The following CNOT6L variants were observed in gnomAD, a reference collection of about 807,000 sequenced individuals.
The protein encoded by CNOT6L is CCR4-NOT transcription complex subunit 6 like.
CNOT6L carries 7 observed loss-of-function variants against 64.0 expected under a neutral mutation model. That is an observed-to-expected ratio of 0.11 (90% confidence interval 0.06 to 0.21). The LOEUF (loss-of-function observed/expected upper bound fraction) is 0.21, where lower values mean the gene tolerates loss of function less well. Among genes scored for constraint, CNOT6L ranks in the 10% least tolerant of loss-of-function variants. CNOT6L has a pLI of 1.00. For synonymous variants in CNOT6L, 193 were observed against 243.4 expected, an observed-to-expected ratio of 0.79 and a Z score of 1.93; for missense variants, 245 against 669.0, an observed-to-expected ratio of 0.37 and a Z score of 6.99.
chr4:77,807,666 T>C (rs1732410170), intron 1 of CNOT6L, among the ~76,000 whole-genome samples: 1 of 152,182 alleles, frequency 6.6e-6, no homozygotes, highest in Non-Finnish European at 1.5e-5. Context: ...CTAGGGAATA[T>C]GTGAGAGAGA....
chr4:77,747,708 G>A (rs888878944), intron 6 of CNOT6L, among the ~76,000 whole-genome samples: 2 of 152,132 alleles, frequency 1.3e-5, no homozygotes, highest in Admixed American at 6.5e-5. Context: ...CCTGCAAACA[G>A]ATAAAGGCTT....
At chr4:77,775,621 T>C (rs575615983) in intron 2 of CNOT6L, among the ~76,000 whole-genome samples, 2 of 152,326 alleles carry the variant, frequency 1.3e-5, no homozygotes, top group East Asian at 3.9e-4. Context: ...CCAGTTTTTA[T>C]ACCTTTTTGT....
At chr4:77,734,303 A>G (rs938647257) in intron 8 of CNOT6L, among the ~76,000 whole-genome samples, 1 of 152,120 alleles carries the variant, frequency 6.6e-6, no homozygotes, top group African/African-American at 2.4e-5. Flanking sequence ...TTATAACCCA[A>G]TACCTCCATT....
chr4:77,774,197 T>C (rs1480273112), intron 3 of CNOT6L, among the ~76,000 whole-genome samples: 4 of 152,200 alleles, frequency 2.6e-5, no homozygotes, highest in African/African-American at 9.6e-5. Context: ...AATAGAGATA[T>C]GTTCTTGTAA....
In CNOT6L at chr4:77,773,361, T is replaced by C. The variant is rs534676666; in HGVS notation, c.315-195A>G. ...GTGCAATTGCCACAACTATTAACAA[T>C]GGTTCTATTTCTAGGATTTACTCAT... On this transcript the variant is annotated intron_variant, in intron 3 of 11. Transcript: ENST00000504123. Among the ~76,000 whole-genome samples, 5 of 152,310 alleles carry C rather than the reference T, an allele frequency of 3.3e-5. No homozygotes were observed. In the East Asian group the frequency reaches 9.6e-4, roughly 29 times the overall value.
At chr4:77,766,183 T>TA (rs1388908501) in intron 4 of CNOT6L, among the ~76,000 whole-genome samples, 1 of 152,140 alleles carries the variant, frequency 6.6e-6, no homozygotes, top group East Asian at 1.9e-4. Context: ...CAAATTTGTT[T>TA]AAAATTGGAA....
chr4:77,735,143 C>A (rs1265765565), intron 8 of CNOT6L, among the ~76,000 whole-genome samples: 1 of 152,118 alleles, frequency 6.6e-6, no homozygotes, highest in Non-Finnish European at 1.5e-5. Flanking sequence ...ATGTGGGCCC[C>A]TTGTGGTTTA....
At chr4:77,779,631 C>G (rs1728620267) in intron 1 of CNOT6L, among the ~76,000 whole-genome samples, 1 of 151,960 alleles carries the variant, frequency 6.6e-6, no homozygotes, top group Admixed American at 6.6e-5. Context: ...TATTAGGGGT[C>G]AGAGGTCTCT....
intron 1 of CNOT6L, among the ~76,000 whole-genome samples, chr4:77,815,840 C>G (rs79801241): frequency 0.032 from 4,930 of 152,214 alleles, 259 homozygotes; most frequent in African/African-American, 0.11. Flanking sequence ...CACAAGAAAC[C>G]TGCTAACCAG....
At chr4:77,762,176 A>G (rs1726312947) in intron 4 of CNOT6L, among the ~76,000 whole-genome samples, 1 of 152,176 alleles carries the variant, frequency 6.6e-6, no homozygotes, top group Non-Finnish European at 1.5e-5. Flanking sequence ...TGTATATTCA[A>G]CATAATCCCA....
intron 5 of CNOT6L, among the ~76,000 whole-genome samples, chr4:77,749,616 T>A (rs1056713175): frequency 2.0e-5 from 3 of 152,226 alleles, no homozygotes; most frequent in Non-Finnish European, 4.4e-5. Context: ...AGTTTAAGTA[T>A]AACGCAATCA....
At chr4:77,754,933 A>G (rs1219403919) in intron 5 of CNOT6L, among the ~76,000 whole-genome samples, 1 of 141,028 alleles carries the variant, frequency 7.1e-6, no homozygotes, top group Non-Finnish European at 1.5e-5. Context: ...AGATAATGAC[A>G]TAGGAGAATA....
intron 8 of CNOT6L, 60 bp from the exon 9 acceptor site, chr4:77,731,598 T>A: frequency 8.0e-7 from 1 of 1,255,220 alleles, no homozygotes; most frequent in Non-Finnish European, 1.1e-6. Context: ...AGATATTAAA[T>A]GAAAGAAACA....
At chr4:77,806,621 G>A (rs1190891600) in intron 1 of CNOT6L, among the ~76,000 whole-genome samples, 1 of 152,086 alleles carries the variant, frequency 6.6e-6, no homozygotes, top group Non-Finnish European at 1.5e-5. Context: ...CATACAATTT[G>A]TGTATTAAGA....
chr4:77,741,781 A>G (rs919445001), intron 8 of CNOT6L, among the ~76,000 whole-genome samples: 2 of 152,156 alleles, frequency 1.3e-5, no homozygotes, highest in African/African-American at 2.4e-5. Flanking sequence ...TTAAAAAAAA[A>G]TCACAGAAAA....
intron 8 of CNOT6L, among the ~76,000 whole-genome samples, chr4:77,741,051 G>A (rs148182835): frequency 5.8e-4 from 88 of 152,176 alleles, no homozygotes; most frequent in African/African-American, 2.0e-3. Flanking sequence ...ACATATTCCC[G>A]TAGTTAAGAG....
intron 5 of CNOT6L, 44 bp from the exon 6 acceptor site, chr4:77,748,428 G>GA: frequency 1.7e-6 from 2 of 1,206,674 alleles, no homozygotes; most frequent in South Asian, 2.4e-5. Context: ...ATGTGTTTCT[G>GA]AAATCTGAAA....
rs555765205 is a variant in CNOT6L, at chr4:77,748,176, T to A, written c.559+140A>T. ...CAGGTCTATCTTAATGTGGACTTTT[T>A]AAAAGTCTATCCATCAGTATTTTTA... On this transcript the variant is annotated intron_variant, in intron 6 of 11. Coordinates refer to ENST00000504123, the MANE Select transcript of CNOT6L (RefSeq NM_144571.3). 84 of 675,568 alleles carry A rather than the reference T, an allele frequency of 1.2e-4. 1 individual carries two copies. The South Asian group carries it at 1.4e-3, about 11-fold the overall frequency. 41.8% of individuals were successfully genotyped at this position (675,568 alleles called of 1,614,324 possible).
At chr4:77,769,911 TG>T (rs1560413425) in intron 4 of CNOT6L, among the ~76,000 whole-genome samples, 1 of 152,176 alleles carries the variant, frequency 6.6e-6, no homozygotes, top group Non-Finnish European at 1.5e-5. Context: ...TTGGCCCATA[TG>T]TCGGATAAAG....
Sources: allele counts gnomAD v4.1 joint callset (sites outside exome capture counted in the v4.1 genomes callset), GRCh38; gene constraint gnomAD v4.1.1; transcripts MANE v1.5; gene names NCBI Gene and HGNC (gene_info 2026-07-23, HGNC 2026-07-21).